STK10: variants seen among roughly 807,000 people sequenced by gnomAD.
STK10 encodes serine/threonine kinase 10.
STK10 carries 78 observed loss-of-function variants against 113.8 expected under a neutral mutation model. The observed-to-expected ratio is 0.69, with a 90% CI of 0.57 to 0.83. STK10 has a LOEUF of 0.83. Among genes scored for constraint, STK10 ranks in the 40% least tolerant of loss-of-function variants. The pLI is 0.00. For synonymous variants in STK10, 465 were observed against 494.7 expected (o/e 0.94, Z 0.80); for missense variants, 1,109 against 1,280.1 (o/e 0.87, Z 2.04).
At chr5:172,065,327 C>A (rs1247845504) in intron 12 of STK10, among the ~76,000 whole-genome samples, 4 of 135,484 alleles carry the variant, frequency 3.0e-5, no homozygotes, top group Non-Finnish European at 6.1e-5. Flanking sequence ...TGGAATCAAG[C>A]AATTCTCCTG....
At chr5:172,182,063 G>A (rs1386694174) in intron 1 of STK10, among the ~76,000 whole-genome samples, 1 of 152,044 alleles carries the variant, frequency 6.6e-6, no homozygotes, top group African/African-American at 2.4e-5. Flanking sequence ...CCAGCACTTT[G>A]GGAGGCTGAG....
rs776240157 is a variant in STK10, at chr5:172,127,375, A to G, written c.368T>C (p.Leu123Pro). The change falls in exon 3 of 19, where the codon CTG becomes CCG. Residue 123 changes from leucine (L) to proline (P), a missense_variant and splice_region_variant. Transcript: ENST00000176763. ...GCACCGAATCAAGTAAGACTCACCC[A>G]GCATGATGGCGTCCACGGCTCCCCC... ...CPGGAVDAIMLELDRGLTEPQ... is the reference protein window; with the variant it reads ...CPGGAVDAIMPELDRGLTEPQ... The G allele has an allele frequency of 1.2e-5, 19 of 1,613,802 alleles. No individual in the cohort carries two copies. Among genetic ancestry groups the G allele is most frequent in the Non-Finnish European group, 1.5e-5 (18 of 1,179,854 alleles).
intron 17 of STK10, among the ~76,000 whole-genome samples, chr5:172,053,586 A>G (rs149257649): frequency 5.4e-4 from 82 of 152,360 alleles, no homozygotes; most frequent in African/African-American, 1.8e-3. Flanking sequence ...TCTGCTTTAC[A>G]AAATGTAAAT....
chr5:172,092,092 G>A (rs1431895131), intron 9 of STK10, among the ~76,000 whole-genome samples: 5 of 152,220 alleles, frequency 3.3e-5, no homozygotes, highest in East Asian at 1.9e-4. Flanking sequence ...ATCTCTCTAC[G>A]GTGACCAGCT....
intron 10 of STK10, among the ~76,000 whole-genome samples, chr5:172,089,990 T>C (rs553144422): frequency 2.1e-4 from 32 of 151,962 alleles, no homozygotes; most frequent in African/African-American, 7.2e-4. Context: ...GATAGATGAA[T>C]AGGTAGATAG....
intron 1 of STK10, among the ~76,000 whole-genome samples, chr5:172,185,287 T>C (rs1020241034): frequency 6.6e-6 from 1 of 152,098 alleles, no homozygotes; most frequent in African/African-American, 2.4e-5. Context: ...GTTTTGTTTT[T>C]GAGACAGAGT....
intron 2 of STK10, among the ~76,000 whole-genome samples, chr5:172,139,982 G>A (rs1472857703): frequency 1.3e-5 from 2 of 149,722 alleles, no homozygotes; most frequent in Non-Finnish European, 3.0e-5. Context: ...GAGACAATCA[G>A]TAGAATGAAA....
chr5:172,073,029 G>C (rs1768231197), intron 12 of STK10, among the ~76,000 whole-genome samples: 2 of 152,204 alleles, frequency 1.3e-5, no homozygotes. Context: ...CTAAAGCACA[G>C]TGGTGCAATT....
At chr5:172,074,593 A>G (rs945956113) in intron 12 of STK10, among the ~76,000 whole-genome samples, 8 of 152,244 alleles carry the variant, frequency 5.3e-5, no homozygotes, top group Non-Finnish European at 1.0e-4. Flanking sequence ...TCAAAATATA[A>G]AACCTAAAAT....
chr5:172,147,212 C>T (rs1260491965), intron 2 of STK10, among the ~76,000 whole-genome samples: 1 of 152,174 alleles, frequency 6.6e-6, no homozygotes, highest in Non-Finnish European at 1.5e-5. Flanking sequence ...TCCCTGGGTA[C>T]ACCACCCTCC....
At chr5:172,090,137 G>A in intron 10 of STK10, 95 bp downstream of exon 10, 1 of 1,534,090 alleles carries the variant, frequency 6.5e-7, no homozygotes. Context: ...ACTTCATGCT[G>A]TAGACAGACA....
chr5:172,140,404 C>T (rs1227923449), intron 2 of STK10, among the ~76,000 whole-genome samples: 1 of 152,188 alleles, frequency 6.6e-6, no homozygotes, highest in Non-Finnish European at 1.5e-5. Flanking sequence ...AAATTAAAAA[C>T]AGAACTACTT....
chr5:172,102,514 A>C (rs1489197849), intron 7 of STK10, among the ~76,000 whole-genome samples: 1 of 151,934 alleles, frequency 6.6e-6, no homozygotes, highest in East Asian at 1.9e-4. Flanking sequence ...AGATGGAGGG[A>C]GGGCCCTGTG....
At chr5:172,090,425 G>A (rs934237650) in intron 9 of STK10, 63 bp from the exon 10 acceptor site, 2 of 1,579,226 alleles carry the variant, frequency 1.3e-6, no homozygotes, top group African/African-American at 1.3e-5. Flanking sequence ...GGCTGTCGCA[G>A]CAGGTGAGGC....
chr5:172,170,866 C>T lies in STK10; in HGVS notation c.157-14078G>A, dbSNP rs114300808. Among the ~76,000 whole-genome samples, 1,421 of 152,286 alleles carry T rather than the reference C, an allele frequency of 9.3e-3. 26 individuals carry two copies. The highest frequency in any genetic ancestry group is 0.032 in the African/African-American group (1,346 of 41,540). ...CCGCTCCCACCTTTCCCAGGCTCCT[C>T]GCTACCCAGAGGAGGACAGTGAGAC... On this transcript the variant is annotated intron_variant, in intron 1 of 18. Coordinates refer to ENST00000176763, the MANE Select transcript of STK10 (RefSeq NM_005990.4).
intron 2 of STK10, among the ~76,000 whole-genome samples, chr5:172,151,369 G>T (rs1770229203): frequency 6.6e-6 from 1 of 151,158 alleles, no homozygotes; most frequent in African/African-American, 2.4e-5. Context: ...AATTGAGTCA[G>T]AGTCTCACTC....
chr5:172,096,363 A>G (rs1768853620), intron 8 of STK10, 63 bp downstream of exon 8: 1 of 1,592,068 alleles, frequency 6.3e-7, no homozygotes, highest in African/African-American at 1.3e-5. Context: ...CTCCCACACC[A>G]GCAGGGCCAG....
intron 5 of STK10, 109 bp downstream of exon 5, chr5:172,107,671 G>C: frequency 9.4e-7 from 1 of 1,062,286 alleles, no homozygotes; most frequent in Non-Finnish European, 1.4e-6. Flanking sequence ...CCACGAGGCA[G>C]GGCGTGTAGC....
chr5:172,124,921 T>G (rs1769589540), intron 3 of STK10, among the ~76,000 whole-genome samples: 1 of 152,232 alleles, frequency 6.6e-6, no homozygotes, highest in Non-Finnish European at 1.5e-5. Flanking sequence ...CATTACTTTT[T>G]GCAATTCACT....
Sources: allele counts gnomAD v4.1 joint callset (sites outside exome capture counted in the v4.1 genomes callset), GRCh38; gene constraint gnomAD v4.1.1; transcripts MANE v1.5; gene names NCBI Gene and HGNC (gene_info 2026-07-23, HGNC 2026-07-21).